Variants in API5 observed in about 807,000 individuals in gnomAD.
The protein encoded by API5 is FIF.
API5 carries 6 observed loss-of-function variants against 71.9 expected under a neutral mutation model. The observed-to-expected ratio is 0.08, with a 90% CI of 0.05 to 0.16. The LOEUF is 0.16. API5 is among the 10% of genes least tolerant of loss of function. The probability of loss-of-function intolerance (pLI) is 1.00; values close to 1 mark genes in which losing one functional copy is unlikely to be tolerated. For synonymous variants in API5, 189 were observed against 221.3 expected (o/e 0.85, Z 1.30); for missense variants, 332 against 612.8 (o/e 0.54, Z 4.84).
chr11:43,319,168 T>A (rs574442258), intron 2 of API5, among the ~76,000 whole-genome samples: 1 of 152,362 alleles, frequency 6.6e-6, no homozygotes, highest in African/African-American at 2.4e-5. Flanking sequence ...TGTTATATCA[T>A]AAAATGTAGT....
intron 5 of API5, 38 bp from the exon 6 acceptor site, chr11:43,323,392 G>GAT: frequency 6.5e-7 from 1 of 1,533,998 alleles, no homozygotes; most frequent in Non-Finnish European, 9.0e-7. Flanking sequence ...CCATTCAAAT[G>GAT]ATGAACATAC....
At chr11:43,322,271 A>G in intron 5 of API5, 135 bp downstream of exon 5, 1 of 798,990 alleles carries the variant, frequency 1.3e-6, no homozygotes, top group Non-Finnish European at 1.7e-6. Flanking sequence ...CCACCATAGA[A>G]CTTCTAAGTT....
chr11:43,332,336 A>G (rs776381757), intron 11 of API5, among the ~76,000 whole-genome samples: 2 of 152,108 alleles, frequency 1.3e-5, no homozygotes, highest in Non-Finnish European at 2.9e-5. Context: ...CCACATGTTG[A>G]GGGCCCAGTC....
chr11:43,319,498 A>G (rs927261486), intron 2 of API5, among the ~76,000 whole-genome samples: 2 of 152,198 alleles, frequency 1.3e-5, no homozygotes, highest in Non-Finnish European at 2.9e-5. Context: ...TTGCACATCC[A>G]TAGCTCACTG....
In API5 at chr11:43,312,080, C is replaced by A. The variant is rs377415422; in HGVS notation, c.-48C>A. The A allele has an allele frequency of 6.2e-7, 1 of 1,604,068 alleles. No homozygotes were observed. Among genetic ancestry groups the A allele is most frequent in the South Asian group, 1.1e-5 (1 of 90,604 alleles). On this transcript the variant is annotated 5_prime_UTR_variant, in exon 1 of 14. Coordinates refer to ENST00000531273, the MANE Select transcript of API5 (RefSeq NM_001142930.2). ...AGAAGTTCCGAGGCGGCGGTGGCGC[C>A]GGTCAGGACAAGGATAGCGGAACCG...
At chr11:43,339,605 A>G (rs1855546619) in intron 13 of API5, among the ~76,000 whole-genome samples, 1 of 152,188 alleles carries the variant, frequency 6.6e-6, no homozygotes, top group South Asian at 2.1e-4. Context: ...TCAGCAAAAG[A>G]TATGCTTAGT....
chr11:43,330,505 T>C lies in API5; in HGVS notation c.1222-3T>C, dbSNP rs2134368399. On this transcript the variant is annotated splice_region_variant and splice_polypyrimidine_tract_variant and intron_variant, in intron 10 of 13. Coordinates refer to ENST00000531273, the MANE Select transcript of API5 (RefSeq NM_001142930.2). ...TTGTCTTAATTTTCCTTTCCCTTTGTAGAACAAGATTAAAGTCGTTGCATT... is the reference window on the plus strand; with the variant it reads ...TTGTCTTAATTTTCCTTTCCCTTTGCAGAACAAGATTAAAGTCGTTGCATT... 1 of 1,591,174 alleles carries C rather than the reference T, an allele frequency of 6.3e-7. No individual in the cohort carries two copies. The highest frequency in any genetic ancestry group is 8.6e-7 in the Non-Finnish European group (1 of 1,159,612).
At chr11:43,336,836 G>A (rs969828402) in intron 13 of API5, among the ~76,000 whole-genome samples, 2 of 151,772 alleles carry the variant, frequency 1.3e-5, no homozygotes, top group Non-Finnish European at 2.9e-5. Flanking sequence ...GTGAAACCCC[G>A]TCTCTACTAA....
chr11:43,325,251 G>T (rs975502816), intron 6 of API5, among the ~76,000 whole-genome samples: 7 of 152,184 alleles, frequency 4.6e-5, no homozygotes, highest in African/African-American at 1.7e-4. Flanking sequence ...AGAGCAACAT[G>T]AATTCTGCTA....
intron 13 of API5, among the ~76,000 whole-genome samples, chr11:43,338,664 A>AAG (rs1204567096): frequency 4.0e-5 from 6 of 151,536 alleles, no homozygotes; most frequent in Admixed American, 3.9e-4. Flanking sequence ...AAAAAAAAAA[A>AAG]AAAAAGCATT....
Position 43,335,992 on chromosome 11 carries a change from A to C in API5, c.1490A>C (p.Tyr497Ser), listed in dbSNP as rs755976966. 12 of 1,613,794 alleles carry C rather than the reference A, an allele frequency of 7.4e-6. No homozygotes were observed. The South Asian group carries it at 1.3e-4, about 18-fold the overall frequency. ...KYSSNLGNFN[Y>S]EQRGAFRGSR... ...AGCAGCAATTTGGGCAACTTTAATTATGGTGAGCGTTTCCGTTTGGGTACA... is the reference window on the plus strand; with the variant it reads ...AGCAGCAATTTGGGCAACTTTAATTCTGGTGAGCGTTTCCGTTTGGGTACA... Residue 497 changes from tyrosine to serine, a missense_variant and splice_region_variant, in exon 13 of 14, where the codon TAT becomes TCT. Tyr to Ser is a moderately radical substitution (Grantham distance 144, BLOSUM62 -2). Coordinates refer to ENST00000531273, the MANE Select transcript of API5 (RefSeq NM_001142930.2).
intron 2 of API5, among the ~76,000 whole-genome samples, chr11:43,319,843 A>G (rs1006945917): frequency 6.6e-6 from 1 of 152,234 alleles, no homozygotes; most frequent in Non-Finnish European, 1.5e-5. Context: ...GTTACTAGGT[A>G]TAACATTGCC....
intron 11 of API5, among the ~76,000 whole-genome samples, chr11:43,334,954 A>G (rs541842441): frequency 6.6e-6 from 1 of 152,328 alleles, no homozygotes; most frequent in East Asian, 1.9e-4. Flanking sequence ...TGGTGACTGC[A>G]TCTGTGCAAA....
intron 1 of API5, among the ~76,000 whole-genome samples, chr11:43,314,469 T>A (rs947005326): frequency 2.4e-4 from 36 of 152,374 alleles, no homozygotes; most frequent in Admixed American, 1.2e-3. Flanking sequence ...AGCAAAAATC[T>A]ACTCTTTATT....
intron 3 of API5, 106 bp downstream of exon 3, chr11:43,321,020 A>G (rs1342786214): frequency 3.6e-6 from 3 of 837,840 alleles, no homozygotes; most frequent in African/African-American, 3.5e-5. Context: ...TGGAGGTCCT[A>G]CCTCTGATAG....
At chr11:43,335,718 A>C in intron 12 of API5, 140 bp from the exon 13 acceptor site, 3 of 983,120 alleles carry the variant, frequency 3.1e-6, no homozygotes, top group Non-Finnish European at 4.3e-6. Context: ...ATTTGATGAC[A>C]TCAAATGTTA....
chr11:43,327,514 C>T (rs995246217), intron 7 of API5, among the ~76,000 whole-genome samples: 3 of 152,178 alleles, frequency 2.0e-5, no homozygotes, highest in African/African-American at 7.2e-5. Context: ...TACTTCTTCT[C>T]ACAGATATAT....
chr11:43,320,991 A>G, intron 3 of API5, 77 bp downstream of exon 3: 21 of 1,251,158 alleles, frequency 1.7e-5, no homozygotes, highest in Non-Finnish European at 2.4e-5. Context: ...TTTAGGTTTT[A>G]AATGGGGTGC....
At chr11:43,325,801 A>G (rs1855051195) in intron 6 of API5, among the ~76,000 whole-genome samples, 1 of 152,204 alleles carries the variant, frequency 6.6e-6, no homozygotes, top group Non-Finnish European at 1.5e-5. Flanking sequence ...GTCCAAGCAA[A>G]AAGAGACCAG....
Sources: gnomAD v4.1 joint callset for allele counts (sites outside exome capture counted in the v4.1 genomes callset) on GRCh38, gnomAD v4.1.1 for gene constraint, MANE v1.5 for transcripts, NCBI Gene and HGNC (gene_info 2026-07-23, HGNC 2026-07-21) for gene names.